FKBP5: variants seen among roughly 807,000 people sequenced by gnomAD.
FKBP5 encodes FKBP prolyl isomerase 5, also known as peptidyl-prolyl cis-trans isomerase FKBP5.
FKBP5 carries 23 observed loss-of-function variants against 50.5 expected under a neutral mutation model. That is an observed-to-expected ratio of 0.46 (90% CI 0.33 to 0.65). The LOEUF is 0.65. FKBP5 is among the 30% of genes least tolerant of loss of function. The pLI, the probability that FKBP5 is intolerant of heterozygous loss-of-function variation, is 0.02. For missense variants in FKBP5, 411 were observed against 553.1 expected (o/e 0.74, Z 2.58); for synonymous variants, 176 against 190.6 (o/e 0.92, Z 0.63).
chr6:35,632,501 CATA>C (rs1199224652), intron 3 of FKBP5, among the ~76,000 whole-genome samples: 1 of 151,910 alleles, frequency 6.6e-6, no homozygotes, highest in Non-Finnish European at 1.5e-5. Flanking sequence ...TAATCCTCAA[CATA>C]ATAATATATA....
chr6:35,713,561 C>G (rs1766454897), intron 2 of FKBP5, among the ~76,000 whole-genome samples: 1 of 152,182 alleles, frequency 6.6e-6, no homozygotes, highest in South Asian at 2.1e-4. Context: ...GTGACATATG[C>G]TCTAAGTCAC....
intron 2 of FKBP5, among the ~76,000 whole-genome samples, chr6:35,708,719 T>C (rs971983099): frequency 6.6e-5 from 10 of 152,186 alleles, no homozygotes; most frequent in African/African-American, 2.4e-5. Context: ...CCCAGCCTCC[T>C]TTGCTGGTAG....
intron 7 of FKBP5, among the ~76,000 whole-genome samples, chr6:35,587,856 A>T (rs1376645750): frequency 1.3e-5 from 2 of 152,192 alleles, no homozygotes; most frequent in South Asian, 2.1e-4. Context: ...AGTCAAGAGA[A>T]CAATCTGGGA....
rs185307487 is a variant in FKBP5 at position 35,721,131 on chromosome 6, C to G, written c.-240-583G>C. Among the ~76,000 whole-genome samples, 24 of 152,186 alleles carry G rather than the reference C, an allele frequency of 1.6e-4. No individual in the cohort carries two copies. In the East Asian group the frequency reaches 4.4e-3, roughly 28 times the overall value. On this transcript the variant is annotated intron_variant, in intron 1 of 11. Coordinates refer to the FKBP5 transcript ENST00000536438. Reference sequence around the variant, plus strand: ...TTTTGGGAGGCTGAGGCGGGTGGATCACCTGAGGTCAGGAGTTTGAGACCA... The same window carrying G: ...TTTTGGGAGGCTGAGGCGGGTGGATGACCTGAGGTCAGGAGTTTGAGACCA...
At chr6:35,712,809 C>G (rs1407782792) in intron 2 of FKBP5, among the ~76,000 whole-genome samples, 23 of 152,270 alleles carry the variant, frequency 1.5e-4, no homozygotes, top group Non-Finnish European at 4.4e-5. Context: ...TGGGCTGACC[C>G]TAGAACTGAA....
intron 5 of FKBP5, among the ~76,000 whole-genome samples, chr6:35,601,249 TA>T (rs1468025496): frequency 4.6e-5 from 7 of 152,194 alleles, no homozygotes; most frequent in Non-Finnish European, 7.4e-5. Flanking sequence ...CCAGTTTATA[TA>T]AAAAACCAAA....
chr6:35,584,752 C>G, intron 8 of FKBP5: 1 of 985,324 alleles, frequency 1.0e-6, no homozygotes, highest in Non-Finnish European at 1.2e-6. Flanking sequence ...TAATTTTTCC[C>G]CAATGGACTA....
intron 2 of FKBP5, among the ~76,000 whole-genome samples, chr6:35,717,621 C>G (rs188147332): frequency 1.6e-4 from 24 of 152,266 alleles, no homozygotes; most frequent in African/African-American, 5.3e-4. Context: ...TTTTTGCAAA[C>G]TCGGTGTTGT....
intron 3 of FKBP5, among the ~76,000 whole-genome samples, chr6:35,636,742 G>GC (rs1554134530): frequency 6.6e-6 from 1 of 152,140 alleles, no homozygotes; most frequent in African/African-American, 2.4e-5. Context: ...GGAACCAGCA[G>GC]TTTTTTTACA....
At chr6:35,589,128 A>T (rs539080072) in intron 7 of FKBP5, among the ~76,000 whole-genome samples, 2,487 of 121,480 alleles carry the variant, frequency 0.02, 50 homozygotes, top group South Asian at 0.086. Context: ...ATATATATAT[A>T]TTTTTTTTTT....
intron 2 of FKBP5, among the ~76,000 whole-genome samples, chr6:35,712,778 C>A (rs1766437058): frequency 1.3e-5 from 2 of 152,222 alleles, no homozygotes; most frequent in Non-Finnish European, 2.9e-5. Context: ...TCTTCTGAGA[C>A]TCACTTCTGA....
intron 8 of FKBP5, chr6:35,581,792 C>CCCA: frequency 6.1e-6 from 6 of 985,454 alleles, no homozygotes; most frequent in Non-Finnish European, 7.2e-6. Flanking sequence ...GGCAGAGGAG[C>CCCA]AGCCAGACCT....
intron 1 of FKBP5, among the ~76,000 whole-genome samples, chr6:35,688,147 G>A (rs1040907036): frequency 2.6e-5 from 4 of 152,250 alleles, no homozygotes; most frequent in Non-Finnish European, 5.9e-5. Flanking sequence ...GCGGCGATGC[G>A]GTTCCCCAAC....
intron 3 of FKBP5, among the ~76,000 whole-genome samples, chr6:35,635,110 G>A (rs553964452): frequency 1.3e-5 from 2 of 151,932 alleles, no homozygotes; most frequent in East Asian, 1.9e-4. Context: ...TGAGGTGGGC[G>A]GATCACTTGA....
rs146123716 is a variant in FKBP5 at position 35,685,658 on chromosome 6, C to T, written c.-20+3146G>A. 5.3e-4 allele frequency among the ~76,000 whole-genome samples: 80 copies of T among 152,088 alleles called. No homozygotes were observed. In the East Asian group the frequency reaches 0.013, roughly 25 times the overall value. On this transcript the variant is annotated intron_variant, in intron 1 of 10. Coordinates refer to ENST00000357266, the MANE Select transcript of FKBP5 (RefSeq NM_004117.4). ...ATGGTCTTTAGAGGAATTCTTCATG[C>T]CGGGTACAGCAAGCATATTACTGTT...
At chr6:35,620,022 G>A (rs1316308250) in intron 4 of FKBP5, 110 bp downstream of exon 4, 1 of 1,318,538 alleles carries the variant, frequency 7.6e-7, no homozygotes, top group African/African-American at 1.5e-5. Context: ...TAAGTAAGTT[G>A]GATCTGATTC....
At chr6:35,638,438 AG>A (rs1384421149) in intron 2 of FKBP5, among the ~76,000 whole-genome samples, 1 of 152,128 alleles carries the variant, frequency 6.6e-6, no homozygotes, top group Non-Finnish European at 1.5e-5. Flanking sequence ...TTTTTGAGAC[AG>A]GGTCTTGCTC....
At chr6:35,678,648 C>T (rs1277806041) in intron 1 of FKBP5, among the ~76,000 whole-genome samples, 1 of 152,084 alleles carries the variant, frequency 6.6e-6, no homozygotes, top group Non-Finnish European at 1.5e-5. Flanking sequence ...TACCATTTGT[C>T]CAAAGTCAAT....
At chr6:35,672,654 G>A (rs1003607265) in intron 1 of FKBP5, among the ~76,000 whole-genome samples, 7 of 151,956 alleles carry the variant, frequency 4.6e-5, no homozygotes, top group South Asian at 2.1e-4. Context: ...GGCTGGAGGC[G>A]GTGGCTCACG....
Sources: gnomAD v4.1 joint callset for allele counts (sites outside exome capture counted in the v4.1 genomes callset) on GRCh38, gnomAD v4.1.1 for gene constraint, MANE v1.5 for transcripts, NCBI Gene and HGNC (gene_info 2026-07-23, HGNC 2026-07-21) for gene names.